Variants in CHODL observed in about 807,000 individuals in gnomAD.
CHODL encodes the protein transmembrane protein MT75.
CHODL carries 29 observed loss-of-function variants against 34.5 expected under a neutral mutation model. That is an observed-to-expected ratio of 0.84 (90% CI 0.63 to 1.15). CHODL has a LOEUF of 1.15. CHODL is among the 50% of genes most tolerant of loss of function. The probability of loss-of-function intolerance (pLI) is 0.00; values close to 1 mark genes in which losing one functional copy is unlikely to be tolerated. For synonymous variants in CHODL, 125 were observed against 116.1 expected, an observed-to-expected ratio of 1.08 and a Z score of -0.49; for missense variants, 332 against 332.5, an observed-to-expected ratio of 1.00 and a Z score of 0.01.
chr21:17,992,715 G>GT (rs1237074983), intron 1 of CHODL, among the ~76,000 whole-genome samples: 1,768 of 31,210 alleles, frequency 0.057, 208 homozygotes, highest in African/African-American at 0.14. Flanking sequence ...TTCTGGTGGA[G>GT]TTGTTTTTTT....
chr21:18,033,819 C>A (rs1296074593), intron 2 of CHODL, among the ~76,000 whole-genome samples: 2 of 151,964 alleles, frequency 1.3e-5, no homozygotes, highest in Non-Finnish European at 1.5e-5. Context: ...GGAAGAGAAT[C>A]AAGACGCTCA....
intron 2 of CHODL, among the ~76,000 whole-genome samples, chr21:18,146,635 T>A (rs1028054927): frequency 2.0e-5 from 3 of 152,194 alleles, no homozygotes; most frequent in Non-Finnish European, 4.4e-5. Flanking sequence ...CAATTAAACT[T>A]CTTCCCTTTA....
rs531248353 is a variant in CHODL, at chr21:18,173,223, T to C, written c.-44-83286T>C. ...ACTTTAATTACACCTTCTGAATCTC[T>C]TCATCTTTGTCACTTAACACGATAT... On this transcript the variant is annotated intron_variant, in intron 2 of 6. Coordinates refer to the CHODL transcript ENST00000400127. 2.6e-5 allele frequency among the ~76,000 whole-genome samples: 4 copies of C among 152,338 alleles called. No individual in the cohort carries two copies. The South Asian group carries it at 8.3e-4, about 32-fold the overall frequency.
chr21:18,178,660 A>G (rs1372866808), intron 2 of CHODL, among the ~76,000 whole-genome samples: 1 of 152,220 alleles, frequency 6.6e-6, no homozygotes, highest in East Asian at 1.9e-4. Flanking sequence ...TTAACTATTC[A>G]TTAAGTGGAA....
At chr21:18,217,246 G>T (rs1014419223) in intron 2 of CHODL, among the ~76,000 whole-genome samples, 13 of 152,110 alleles carry the variant, frequency 8.5e-5, no homozygotes, top group Non-Finnish European at 1.8e-4. Flanking sequence ...TTCTCATGCT[G>T]CTATAAAGAA....
chr21:18,204,976 T>C (rs1319627435), intron 2 of CHODL, among the ~76,000 whole-genome samples: 3 of 152,198 alleles, frequency 2.0e-5, no homozygotes, highest in African/African-American at 7.2e-5. Context: ...AAAAGAATCC[T>C]GGCTATAAGT....
At chr21:18,078,072 A>G (rs1283837485) in intron 2 of CHODL, among the ~76,000 whole-genome samples, 1 of 152,146 alleles carries the variant, frequency 6.6e-6, no homozygotes, top group African/African-American at 2.4e-5. Flanking sequence ...CTTTCTCTGG[A>G]TAAGTGGATT....
chr21:18,166,581 G>T (rs1271653617), intron 2 of CHODL, among the ~76,000 whole-genome samples: 1 of 152,024 alleles, frequency 6.6e-6, no homozygotes, highest in African/African-American at 2.4e-5. Context: ...TGCTAATTCG[G>T]GGTTTGAGAT....
intron 1 of CHODL, among the ~76,000 whole-genome samples, chr21:17,938,076 A>G (rs1481437056): frequency 6.6e-6 from 1 of 152,238 alleles, no homozygotes; most frequent in Non-Finnish European, 1.5e-5. Flanking sequence ...GAATTTGAAA[A>G]GTAAATTTTC....
intron 2 of CHODL, among the ~76,000 whole-genome samples, chr21:18,203,669 G>T (rs185858966): frequency 1.3e-5 from 2 of 152,040 alleles, no homozygotes; most frequent in East Asian, 3.9e-4. Flanking sequence ...GTAAGATTTT[G>T]TTCACCGAAT....
intron 2 of CHODL, among the ~76,000 whole-genome samples, chr21:18,179,914 A>AT (rs1370146152): frequency 6.6e-6 from 1 of 152,170 alleles, no homozygotes; most frequent in Non-Finnish European, 1.5e-5. Context: ...ACTGAAACAA[A>AT]TTTGAAGCAT....
At chr21:18,171,224 G>T (rs1330401150) in intron 2 of CHODL, among the ~76,000 whole-genome samples, 1 of 430 alleles carries the variant, frequency 2.3e-3, no homozygotes, top group Non-Finnish European at 6.1e-3. Context: ...TTTTGAGACG[G>T]AGTCTCGCTC....
intron 2 of CHODL, among the ~76,000 whole-genome samples, chr21:18,215,839 A>T (rs1234352909): frequency 1.3e-5 from 2 of 152,238 alleles, no homozygotes; most frequent in Middle Eastern, 3.4e-3. Context: ...TTTACTCTCA[A>T]ACTTCTTGGG....
At chr21:18,216,912 C>G (rs1384436076) in intron 2 of CHODL, among the ~76,000 whole-genome samples, 2 of 152,140 alleles carry the variant, frequency 1.3e-5, no homozygotes, top group African/African-American at 4.8e-5. Context: ...ACAGGTTCCT[C>G]CCATGACACG....
At chr21:18,088,992 C>A (rs1037314826) in intron 2 of CHODL, among the ~76,000 whole-genome samples, 1 of 152,184 alleles carries the variant, frequency 6.6e-6, no homozygotes, top group Non-Finnish European at 1.5e-5. Flanking sequence ...ACCTGCTCAT[C>A]CCATCTCATG....
chr21:18,190,615 T>G (rs756071495), intron 2 of CHODL, among the ~76,000 whole-genome samples: 9 of 152,206 alleles, frequency 5.9e-5, no homozygotes, highest in Non-Finnish European at 1.2e-4. Context: ...AACTTTATGT[T>G]GGTGAGAACC....
chr21:18,266,688 A>G lies in CHODL; in HGVS notation c.*650A>G, dbSNP rs1283053864. 6.5e-6 allele frequency: 1 copy of G among 153,056 alleles called. No homozygotes were observed. Among genetic ancestry groups the G allele is most frequent in the African/African-American group, 2.4e-5 (1 of 41,462 alleles). 9.5% of individuals were successfully genotyped at this position (153,056 alleles called of 1,614,324 possible). A position where few individuals can be genotyped will look rare whatever the true frequency, so the allele number is the denominator to read the frequency against. ...AAGAAGCTATTTCATTAAGTGTGATATAAACCTCCTCAAACATTTTACTTA... is the reference window on the plus strand; with the variant it reads ...AAGAAGCTATTTCATTAAGTGTGATGTAAACCTCCTCAAACATTTTACTTA... On this transcript the variant is annotated 3_prime_UTR_variant, in exon 6 of 6. Coordinates refer to ENST00000299295, the MANE Select transcript of CHODL (RefSeq NM_024944.3).
chr21:17,951,107 C>T (rs953206307), intron 1 of CHODL, among the ~76,000 whole-genome samples: 17 of 149,136 alleles, frequency 1.1e-4, no homozygotes, highest in Admixed American at 6.7e-4. Context: ...TTACTCTATA[C>T]GTGTGTGTGT....
At chr21:18,224,196 T>A (rs2073909929) in intron 2 of CHODL, among the ~76,000 whole-genome samples, 1 of 152,158 alleles carries the variant, frequency 6.6e-6, no homozygotes, top group African/African-American at 2.4e-5. Context: ...ATTCCACCAC[T>A]TTTTGTAAGG....
Sources: gnomAD v4.1 joint callset for allele counts (sites outside exome capture counted in the v4.1 genomes callset) on GRCh38, gnomAD v4.1.1 for gene constraint, MANE v1.5 for transcripts, NCBI Gene and HGNC (gene_info 2026-07-23, HGNC 2026-07-21) for gene names.